Variants in PPFIA1 observed in about 807,000 individuals in gnomAD.
PPFIA1 encodes the protein liprin-alpha-1.
Under a neutral mutation model 149.9 loss-of-function variants are expected in PPFIA1, and 25 were observed. The ratio of observed to expected loss-of-function variants is 0.17; its 90% confidence interval spans 0.12 to 0.23. The LOEUF (loss-of-function observed/expected upper bound fraction) is 0.23. Among genes scored for constraint, PPFIA1 ranks in the 10% least tolerant of loss-of-function variants. The pLI, the probability that PPFIA1 is intolerant of heterozygous loss-of-function variation, is 1.00. For synonymous variants in PPFIA1, 549 were observed against 552.8 expected (o/e 0.99, Z 0.10); for missense variants, 1,362 against 1,506.5 (o/e 0.90, Z 1.59).
intron 2 of PPFIA1, chr11:70,279,155 G>C (rs1049138238): frequency 1.9e-6 from 1 of 539,420 alleles, no homozygotes; most frequent in South Asian, 2.0e-5. Flanking sequence ...CGGCAGTCGC[G>C]CCCACACGTC....
rs2056825036 is a variant in PPFIA1 at position 70,364,608 on chromosome 11, T to G, written c.2865+2120T>G. On this transcript the variant is annotated intron_variant, in intron 21 of 27. Coordinates refer to ENST00000253925, the MANE Select transcript of PPFIA1 (RefSeq NM_003626.5). ...TTTTTTCTTCTTAATGAACAAATTATGGTGATGAACAATAAGCTTTGTCCT... is the reference window on the plus strand; with the variant it reads ...TTTTTTCTTCTTAATGAACAAATTAGGGTGATGAACAATAAGCTTTGTCCT... 3 of 152,218 alleles carry G rather than the reference T, an allele frequency of 2.0e-5. No individual in the cohort carries two copies. The South Asian group carries it at 6.2e-4, about 32-fold the overall frequency. 9.4% of individuals were successfully genotyped at this position (152,218 alleles called of 1,614,324 possible). A position where few individuals can be genotyped will look rare whatever the true frequency, so the allele number is the denominator to read the frequency against.
chr11:70,316,495 T>TTATA (rs2053636002), intron 2 of PPFIA1, among the ~76,000 whole-genome samples: 1 of 152,086 alleles, frequency 6.6e-6, no homozygotes, highest in Non-Finnish European at 1.5e-5. Flanking sequence ...TTGAAGGAGA[T>TTATA]TATAGAGAGT....
Position 70,330,237 on chromosome 11 carries a change from C to A in PPFIA1, c.995C>A (p.Ala332Glu). 1 of 1,603,528 alleles carries A rather than the reference C, an allele frequency of 6.2e-7. No individual in the cohort carries two copies. Among genetic ancestry groups the A allele is most frequent in the South Asian group, 1.1e-5 (1 of 89,100 alleles). Residue 332 changes from alanine (A) to glutamate (E), a missense_variant, in exon 8 of 28, where the codon GCA becomes GAA. Physicochemically the swap from Ala to Glu is moderately radical, Grantham distance 107. Coordinates refer to ENST00000253925, the MANE Select transcript of PPFIA1 (RefSeq NM_003626.5). ...ACTCTTGAAAAACGCTACCTCGCTG[C>A]ACAGCGTGAAGCCACATCTGTGCAT... ...ITTLEKRYLA[A>E]QREATSVHDL...
chr11:70,277,142 A>G (rs1327485586), intron 2 of PPFIA1, among the ~76,000 whole-genome samples: 1 of 138,458 alleles, frequency 7.2e-6, no homozygotes, highest in African/African-American at 2.8e-5. Flanking sequence ...ACTCCCTCCT[A>G]CCTTTTGTGT....
chr11:70,308,746 A>G (rs2053051131), intron 2 of PPFIA1, among the ~76,000 whole-genome samples: 1 of 152,148 alleles, frequency 6.6e-6, no homozygotes, highest in African/African-American at 2.4e-5. Context: ...AGTCTGGGCA[A>G]CATAACATCT....
At chr11:70,370,918 A>G (rs2057202120) in intron 21 of PPFIA1, among the ~76,000 whole-genome samples, 1 of 152,052 alleles carries the variant, frequency 6.6e-6, no homozygotes. Context: ...GGATCACTTG[A>G]GGTCAGGAGT....
intron 2 of PPFIA1, among the ~76,000 whole-genome samples, chr11:70,307,775 A>G (rs1243062148): frequency 6.6e-6 from 1 of 152,100 alleles, no homozygotes; most frequent in Non-Finnish European, 1.5e-5. Flanking sequence ...TTTTTTTTTA[A>G]ATTAGCTGGG....
At chr11:70,343,926 C>T (rs1195065633) in intron 15 of PPFIA1, 34 bp downstream of exon 15, 6 of 1,546,592 alleles carry the variant, frequency 3.9e-6, no homozygotes, top group Non-Finnish European at 5.3e-6. Context: ...TCACCACACG[C>T]ATGGGTGTCT....
chr11:70,280,185 G>A (rs929973675), intron 2 of PPFIA1, among the ~76,000 whole-genome samples: 1 of 151,528 alleles, frequency 6.6e-6, no homozygotes, highest in Non-Finnish European at 1.5e-5. Context: ...TGGGATTACA[G>A]GCATGAGCTA....
At chr11:70,279,135 C>T (rs917609600) in intron 2 of PPFIA1, 1 of 546,962 alleles carries the variant, frequency 1.8e-6, no homozygotes, top group Non-Finnish European at 3.4e-6. Flanking sequence ...GATGGCTGTG[C>T]TATTCACAGC....
chr11:70,322,915 C>T (rs1258541585), intron 2 of PPFIA1, among the ~76,000 whole-genome samples: 1 of 151,348 alleles, frequency 6.6e-6, no homozygotes, highest in Non-Finnish European at 1.5e-5. Flanking sequence ...TGCTGTCTTC[C>T]ACTCTCTCTG....
chr11:70,339,054 C>G (rs1467966851), intron 13 of PPFIA1, 117 bp from the exon 14 acceptor site: 12 of 1,272,666 alleles, frequency 9.4e-6, no homozygotes, highest in African/African-American at 1.5e-5. Context: ...AGTGCCCTCC[C>G]TGGAGACCCT....
chr11:70,339,873 C>T (rs1354657055), intron 14 of PPFIA1, among the ~76,000 whole-genome samples: 12 of 151,938 alleles, frequency 7.9e-5, no homozygotes, highest in Admixed American at 4.6e-4. Context: ...AAAATTAGCT[C>T]GGCACAGTGG....
chr11:70,366,068 C>T (rs2056919699), intron 21 of PPFIA1: 3 of 419,854 alleles, frequency 7.1e-6, no homozygotes, highest in Non-Finnish European at 9.4e-6. Context: ...ATGTTTATAG[C>T]ATCTTAGTTT....
At chr11:70,379,638 C>T (rs1338515024) in intron 26 of PPFIA1, among the ~76,000 whole-genome samples, 4 of 150,300 alleles carry the variant, frequency 2.7e-5, no homozygotes, top group Non-Finnish European at 3.0e-5. Flanking sequence ...TAATTGAAAA[C>T]TGTGCGAATG....
intron 14 of PPFIA1, among the ~76,000 whole-genome samples, chr11:70,340,078 G>A (rs570052716): frequency 1.3e-5 from 2 of 151,780 alleles, no homozygotes; most frequent in African/African-American, 2.4e-5. Context: ...TGGGAGGATC[G>A]CTTGAAGCCA....
intron 2 of PPFIA1, chr11:70,284,007 T>A: frequency 1.9e-6 from 1 of 533,312 alleles, no homozygotes; most frequent in South Asian, 1.4e-5. Flanking sequence ...CGGATTTTGC[T>A]TTACTTTTAA....
intron 10 of PPFIA1, among the ~76,000 whole-genome samples, 182 bp downstream of exon 10, chr11:70,333,735 C>G (rs2054809161): frequency 6.6e-6 from 1 of 152,190 alleles, no homozygotes; most frequent in Admixed American, 6.5e-5. Flanking sequence ...ACATCCCACA[C>G]AGTAGTTGTT....
chr11:70,356,100 A>C, intron 18 of PPFIA1, 61 bp from the exon 19 acceptor site: 1 of 1,337,214 alleles, frequency 7.5e-7, no homozygotes, highest in Non-Finnish European at 1.1e-6. Context: ...CTGCCTATTT[A>C]TGAAAACATA....
Sources: allele counts gnomAD v4.1 joint callset (sites outside exome capture counted in the v4.1 genomes callset), GRCh38; gene constraint gnomAD v4.1.1; transcripts MANE v1.5; gene names NCBI Gene and HGNC (gene_info 2026-07-23, HGNC 2026-07-21).